The following ARHGAP6 variants were observed in gnomAD, a reference collection of about 807,000 sequenced individuals.
ARHGAP6 encodes the protein rho GTPase-activating protein 6.
ARHGAP6 carries 16 observed loss-of-function variants against 55.7 expected under a neutral mutation model. The ratio of observed to expected loss-of-function variants is 0.29; its 90% CI spans 0.19 to 0.44. ARHGAP6 has a LOEUF of 0.44. Ranked by LOEUF, ARHGAP6 falls within the 20% of genes least tolerant of loss-of-function variation. The pLI is 1.00. For missense variants in ARHGAP6, 698 were observed against 808.9 expected, an observed-to-expected ratio of 0.86 and a Z score of 1.66; for synonymous variants, 382 against 360.9, an observed-to-expected ratio of 1.06 and a Z score of -0.66.
chrX:11,302,824 A>G (rs2048188630), intron 1 of ARHGAP6, among the ~76,000 whole-genome samples: 1 of 111,206 alleles, frequency 9.0e-6, no homozygotes, highest in South Asian at 4.0e-4. Context: ...CAAAAATCAT[A>G]TCAAGAAAAA....
intron 9 of ARHGAP6, among the ~76,000 whole-genome samples, chrX:11,161,769 C>T (rs1314214631): frequency 8.9e-6 from 1 of 112,162 alleles, no homozygotes; most frequent in African/African-American, 3.2e-5. Context: ...CATTCGCTTT[C>T]AGAGAAGAAG....
chrX:11,625,476 G>A (rs1309358481), intron 1 of ARHGAP6, among the ~76,000 whole-genome samples: 1 of 111,178 alleles, frequency 9.0e-6, no homozygotes, highest in Non-Finnish European at 1.9e-5. Context: ...TCATATGTGG[G>A]AGCTAAAAAG....
At chrX:11,181,188 AAACC>A (rs1429818398) in intron 6 of ARHGAP6, among the ~76,000 whole-genome samples, 4 of 112,170 alleles carry the variant, frequency 3.6e-5, no homozygotes, top group African/African-American at 1.3e-4. Context: ...TTAAGAATAA[AAACC>A]AACCAACCAA....
intron 1 of ARHGAP6, among the ~76,000 whole-genome samples, chrX:11,342,287 G>A (rs1374219438): frequency 3.6e-5 from 4 of 111,737 alleles, no homozygotes; most frequent in African/African-American, 9.8e-5. Flanking sequence ...TCTTATTGCT[G>A]ACTGACACAT....
intron 1 of ARHGAP6, among the ~76,000 whole-genome samples, chrX:11,522,413 C>CA (rs1302769305): frequency 1.8e-5 from 2 of 111,027 alleles, no homozygotes; most frequent in African/African-American, 3.3e-5. Context: ...GATAGAGACA[C>CA]AAAAAACCCT....
intron 2 of ARHGAP6, among the ~76,000 whole-genome samples, chrX:11,240,024 G>A (rs1232707734): frequency 8.9e-6 from 1 of 112,129 alleles, no homozygotes; most frequent in Non-Finnish European, 1.9e-5. Flanking sequence ...TTTCCAGTTT[G>A]GAACAGGAGG....
At chrX:11,347,391 T>A (rs1168300983) in intron 1 of ARHGAP6, among the ~76,000 whole-genome samples, 1 of 112,065 alleles carries the variant, frequency 8.9e-6, no homozygotes, top group African/African-American at 3.2e-5. Flanking sequence ...CTCTATTATT[T>A]CCAGAAGCCT....
intron 1 of ARHGAP6, among the ~76,000 whole-genome samples, chrX:11,486,826 G>A (rs988259906): frequency 1.8e-5 from 2 of 112,105 alleles, no homozygotes; most frequent in Admixed American, 1.9e-4. Flanking sequence ...CATGTGCCAC[G>A]TTGGCAGAAG....
rs111688429 is a variant in ARHGAP6, at chrX:11,232,419, G to A, written c.748+22129C>T. 7.2e-5 allele frequency among the ~76,000 whole-genome samples: 8 copies of A among 110,368 alleles called. No homozygotes were observed. In the East Asian group the frequency reaches 8.6e-4, roughly 12 times the overall value. ...GCAGATCACCTGAGGCCAAGAGTTC[G>A]AGACCAGCCTGGCCAACATGGTGAA... On this transcript the variant is annotated intron_variant, in intron 2 of 12. Coordinates refer to ENST00000337414, the MANE Select transcript of ARHGAP6 (RefSeq NM_013427.3).
chrX:11,426,701 C>A (rs1255380586), intron 1 of ARHGAP6, among the ~76,000 whole-genome samples: 1 of 110,476 alleles, frequency 9.1e-6, no homozygotes, highest in East Asian at 2.8e-4. Context: ...GTAGTCATTC[C>A]TCAGAAACAA....
intron 1 of ARHGAP6, among the ~76,000 whole-genome samples, chrX:11,266,465 T>C (rs2047629031): frequency 8.9e-6 from 1 of 111,819 alleles, no homozygotes; most frequent in African/African-American, 3.3e-5. Context: ...CACTGAAGCA[T>C]AACACATGCT....
chrX:11,629,364 T>C (rs1445554313), intron 1 of ARHGAP6, among the ~76,000 whole-genome samples: 2 of 111,301 alleles, frequency 1.8e-5, no homozygotes, highest in Non-Finnish European at 3.8e-5. Flanking sequence ...CATATGTCTT[T>C]AATCTTTCTA....
At chrX:11,581,204 G>T (rs2051662275) in intron 1 of ARHGAP6, among the ~76,000 whole-genome samples, 1 of 112,180 alleles carries the variant, frequency 8.9e-6, no homozygotes, top group African/African-American at 3.2e-5. Context: ...AGTTGTCAGG[G>T]ACATGCAAAT....
chrX:11,583,738 C>T (rs757610688), intron 1 of ARHGAP6, among the ~76,000 whole-genome samples: 1 of 110,784 alleles, frequency 9.0e-6, no homozygotes, highest in African/African-American at 3.3e-5. Context: ...AAACTATTAA[C>T]AGAATTCTCT....
chrX:11,567,566 A>AAAAAAAAAAAAAAAAAATATATATAT (rs1440758737), intron 1 of ARHGAP6, among the ~76,000 whole-genome samples: 4 of 84,395 alleles, frequency 4.7e-5, no homozygotes, highest in South Asian at 5.4e-4. Flanking sequence ...AAAAAAAAAA[A>AAAAAAAAAAAAAAAAAATATATATAT]ATATATATAT....
At chrX:11,430,147 A>G (rs887588401) in intron 1 of ARHGAP6, among the ~76,000 whole-genome samples, 20 of 112,135 alleles carry the variant, frequency 1.8e-4, no homozygotes, top group African/African-American at 5.8e-4. Flanking sequence ...CCTTTTGATC[A>G]TTACCCCTGA....
At chrX:11,500,663 CAAAA>C (rs995574477) in intron 1 of ARHGAP6, among the ~76,000 whole-genome samples, 1 of 33,626 alleles carries the variant, frequency 3.0e-5, no homozygotes, top group Non-Finnish European at 5.5e-5. Flanking sequence ...CAGACTCTGT[CAAAA>C]AAAAAAAAAA....
chrX:11,560,213 C>G lies in ARHGAP6; in HGVS notation c.588+104028G>C, dbSNP rs571353677. ...TTCATTATCATGAGTTCTATATTCT[C>G]TATTTCAGTTACCCAAGTTGTCTGT... On this transcript the variant is annotated intron_variant, in intron 1 of 12. Coordinates refer to ENST00000337414, the MANE Select transcript of ARHGAP6 (RefSeq NM_013427.3). 7.9e-4 allele frequency among the ~76,000 whole-genome samples: 88 copies of G among 111,496 alleles called. 1 individual carries two copies. In the South Asian group the frequency reaches 0.031, roughly 40 times the overall value.
At chrX:11,476,590 C>G (rs2050405619) in intron 1 of ARHGAP6, among the ~76,000 whole-genome samples, 1 of 110,885 alleles carries the variant, frequency 9.0e-6, no homozygotes, top group South Asian at 3.7e-4. Context: ...AAAATCAAGA[C>G]ATTGTGTACA....
Sources: gnomAD v4.1 joint callset for allele counts (sites outside exome capture counted in the v4.1 genomes callset) on GRCh38, gnomAD v4.1.1 for gene constraint, MANE v1.5 for transcripts, NCBI Gene and HGNC (gene_info 2026-07-23, HGNC 2026-07-21) for gene names.